Variants in SIDT1 observed in about 807,000 individuals in gnomAD.
SIDT1 encodes the protein SID1 transmembrane family member 1, also known as SID1 transmembrane family, member 1.
Under a neutral mutation model 107.5 loss-of-function variants are expected in SIDT1, and 101 were observed. That is an observed-to-expected ratio of 0.94 (90% confidence interval 0.80 to 1.11). The LOEUF is 1.11. SIDT1 is among the 50% of genes least tolerant of loss of function. SIDT1 has a pLI of 0.00. For missense variants in SIDT1, 1,076 were observed against 1,058.2 expected, an observed-to-expected ratio of 1.02 and a Z score of -0.23; for synonymous variants, 395 against 398.2, an observed-to-expected ratio of 0.99 and a Z score of 0.10.
chr3:113,595,319 T>G (rs912600746), intron 10 of SIDT1, among the ~76,000 whole-genome samples: 1 of 152,108 alleles, frequency 6.6e-6, no homozygotes, highest in African/African-American at 2.4e-5. Context: ...ATGCCTGTAA[T>G]CCCAGCATTT....
chr3:113,584,791 C>T, intron 8 of SIDT1, 22 bp downstream of exon 8: 1 of 1,502,578 alleles, frequency 6.7e-7, no homozygotes, highest in East Asian at 2.3e-5. Flanking sequence ...CTCCAGAATG[C>T]ATTGAAGAGA....
chr3:113,583,183 G>A (rs9854139), intron 6 of SIDT1, among the ~76,000 whole-genome samples: 37,332 of 151,780 alleles, frequency 0.25, 5,035 homozygotes, highest in East Asian at 0.59. Context: ...ATTGAAATCA[G>A]GAATGTATAT....
chr3:113,618,664 G>T (rs1302326529), intron 20 of SIDT1, among the ~76,000 whole-genome samples: 1 of 152,060 alleles, frequency 6.6e-6, no homozygotes, highest in Non-Finnish European at 1.5e-5. Context: ...CAAATTGGAT[G>T]GATCACCTAA....
At chr3:113,566,328 TTG>T in intron 1 of SIDT1, 90 bp from the exon 2 acceptor site, 1 of 1,235,876 alleles carries the variant, frequency 8.1e-7, no homozygotes, top group Non-Finnish European at 1.1e-6. Flanking sequence ...GTGTGTGTGT[TTG>T]TGTGTGTTTG....
intron 1 of SIDT1, among the ~76,000 whole-genome samples, chr3:113,555,434 A>G (rs1940741008): frequency 6.6e-6 from 1 of 152,230 alleles, no homozygotes; most frequent in Admixed American, 6.5e-5. Flanking sequence ...AGGGAGTCAA[A>G]CATTTATTGA....
At chr3:113,607,193 A>T in intron 15 of SIDT1, 79 bp downstream of exon 15, 2 of 977,750 alleles carry the variant, frequency 2.0e-6, no homozygotes, top group Non-Finnish European at 3.2e-6. Flanking sequence ...GTTTTTAAAA[A>T]TACTAAAAAC....
intron 19 of SIDT1, chr3:113,615,157 C>T (rs1306399021): frequency 3.5e-6 from 5 of 1,432,912 alleles, no homozygotes. Context: ...GGCAGCCCTG[C>T]TCCCTGAACA....
Position 113,593,032 on chromosome 3 carries a change from C to T in SIDT1, c.1029C>T (p.Ser343=), listed in dbSNP as rs1944286921. 7 of 1,613,582 alleles carry T rather than the reference C, an allele frequency of 4.3e-6. No homozygotes were observed. Among genetic ancestry groups the T allele is most frequent in the Non-Finnish European group, 5.9e-6 (7 of 1,179,580 alleles). ...TTCAGAGAAAATCCATTGATGGAAGCTTTGGGTCCAATGATGGTAAGAGCA... is the reference window on the plus strand; with the variant it reads ...TTCAGAGAAAATCCATTGATGGAAGTTTTGGGTCCAATGATGGTAAGAGCA... The part of the protein sequence containing the change: ...LRFQRKSIDG[S]FGSNDGSGNM... Residue 343 remains serine (S), a synonymous_variant, in exon 10 of 25, where the codon AGC becomes AGT. Transcript: ENST00000264852.
rs1277858583 is a variant in SIDT1 at position 113,567,526 on chromosome 3, ATTGGCTGC to A, written c.345-11_345-4del. On this transcript the variant is annotated splice_polypyrimidine_tract_variant and splice_region_variant and intron_variant, in intron 2 of 24. Transcript: ENST00000264852. ...GTCCTTGTTTATTTTTTTCCCCTAT[ATTGGCTGC>A]TTCAGATACCAGAGGAGCTACAACT... 1.2e-6 allele frequency: 2 copies of A among 1,602,320 alleles called. No homozygotes were observed. The highest frequency in any genetic ancestry group is 1.7e-6 in the Non-Finnish European group (2 of 1,173,928).
chr3:113,535,588 A>C (rs1938057239), intron 1 of SIDT1, among the ~76,000 whole-genome samples: 1 of 152,220 alleles, frequency 6.6e-6, no homozygotes, highest in East Asian at 1.9e-4. Flanking sequence ...TTTGAATGAC[A>C]CAGTAAAAGG....
rs1943660675 is a variant in SIDT1 at position 113,585,267 on chromosome 3, T to C, written c.998T>C (p.Leu333Pro). The change falls in exon 9 of 25, where the codon CTG (leucine) becomes CCG (proline). Residue 333 changes from leucine (L) to proline (P), a missense_variant. By Grantham distance (98) the Leu-to-Pro change is moderately conservative. Transcript: ENST00000264852. ...GCLLVGFVHY[L>P]RFQRKSIDGS... ...CTTCTTGTTGGGTTTGTTCATTATCTGAGGTAGGTCAATCTTTTCTAGAAA... is the reference window on the plus strand; with the variant it reads ...CTTCTTGTTGGGTTTGTTCATTATCCGAGGTAGGTCAATCTTTTCTAGAAA... 6.2e-7 allele frequency: 1 copy of C among 1,605,634 alleles called. No individual in the cohort carries two copies.
intron 1 of SIDT1, among the ~76,000 whole-genome samples, chr3:113,541,919 T>C (rs1180617480): frequency 1.4e-5 from 2 of 141,834 alleles, no homozygotes; most frequent in Non-Finnish European, 3.1e-5. Flanking sequence ...ATTTTTCTTT[T>C]TCTTTCTTTT....
At chr3:113,577,813 G>A (rs181580203) in intron 4 of SIDT1, among the ~76,000 whole-genome samples, 2 of 152,312 alleles carry the variant, frequency 1.3e-5, no homozygotes, top group African/African-American at 4.8e-5. Context: ...TACTACTGCG[G>A]TGCTGGTAAA....
chr3:113,598,792 A>T (rs1167629589), intron 10 of SIDT1, among the ~76,000 whole-genome samples: 2 of 70,572 alleles, frequency 2.8e-5, no homozygotes, highest in Non-Finnish European at 5.4e-5. Flanking sequence ...AATAATTTTC[A>T]AAATTACATT....
At chr3:113,604,551 A>G (rs1026538275) in intron 13 of SIDT1, among the ~76,000 whole-genome samples, 2 of 152,258 alleles carry the variant, frequency 1.3e-5, no homozygotes, top group Non-Finnish European at 2.9e-5. Flanking sequence ...AAATGGTTGT[A>G]AGAAAAGAAA....
intron 1 of SIDT1, among the ~76,000 whole-genome samples, chr3:113,552,444 G>A (rs138201980): frequency 8.5e-5 from 13 of 152,296 alleles, no homozygotes; most frequent in Admixed American, 2.0e-4. Context: ...ACATAGGTTC[G>A]TGCAAGGGTC....
At chr3:113,589,261 AT>A (rs546715398) in intron 9 of SIDT1, among the ~76,000 whole-genome samples, 1 of 152,108 alleles carries the variant, frequency 6.6e-6, no homozygotes, top group South Asian at 2.1e-4. Context: ...CTCATTTGCT[AT>A]TTTTTCCTTT....
chr3:113,566,429 G>A lies in SIDT1; in HGVS notation c.232G>A (p.Val78Met), dbSNP rs2271496. ...YTSQPDQVTA[V>M]RVYVNSSSEN... ...CTACCCTGCCATGCAGGTGACAGCC[G>A]TGAGGGTGTATGTGAACAGTTCCTC... The change falls in exon 2 of 25, where the codon GTG becomes ATG. Residue 78 changes from valine (V) to methionine (M), a missense_variant. Val to Met is a conservative substitution (Grantham distance 21). Coordinates refer to ENST00000264852, the MANE Select transcript of SIDT1 (RefSeq NM_017699.3). 0.034 allele frequency: 55,239 copies of A among 1,613,766 alleles called. 1,255 individuals carry two copies. The highest frequency in any genetic ancestry group is 0.093 in the East Asian group (4,153 of 44,862).
At chr3:113,539,039 A>G (rs1214917555) in intron 1 of SIDT1, among the ~76,000 whole-genome samples, 1 of 152,160 alleles carries the variant, frequency 6.6e-6, no homozygotes, top group Non-Finnish European at 1.5e-5. Flanking sequence ...GAGCTGGAAT[A>G]CTTCTATAAC....
Sources: allele counts gnomAD v4.1 joint callset (sites outside exome capture counted in the v4.1 genomes callset), GRCh38; gene constraint gnomAD v4.1.1; transcripts MANE v1.5; gene names NCBI Gene and HGNC (gene_info 2026-07-23, HGNC 2026-07-21).